The following LHFPL3 variants were observed in gnomAD, a reference collection of about 807,000 sequenced individuals.
LHFPL3 encodes LHFPL tetraspan subfamily member 3 protein.
In LHFPL3, 5 loss-of-function variants were observed where a neutral mutation model predicts 19.3. The ratio of observed to expected loss-of-function variants is 0.26; its 90% confidence interval spans 0.14 to 0.54. The LOEUF is 0.54. Among genes scored for constraint, LHFPL3 ranks in the 20% least tolerant of loss-of-function variants. The pLI, the probability that LHFPL3 is intolerant of heterozygous loss-of-function variation, is 0.94. For missense variants in LHFPL3, 249 were observed against 307.4 expected (o/e 0.81, Z 1.42); for synonymous variants, 133 against 126.2 (o/e 1.05, Z -0.36).
At chr7:104,740,648 G>C (rs765104941) in intron 2 of LHFPL3, among the ~76,000 whole-genome samples, 1 of 152,206 alleles carries the variant, frequency 6.6e-6, no homozygotes, top group Non-Finnish European at 1.5e-5. Context: ...GCAGGCAAGA[G>C]CTTATGCAGG....
intron 1 of LHFPL3, among the ~76,000 whole-genome samples, chr7:104,430,512 A>G (rs1284152690): frequency 4.3e-5 from 5 of 115,178 alleles, no homozygotes; most frequent in Non-Finnish European, 8.6e-5. Context: ...TCTGTCGCCC[A>G]GGCTGGAGTG....
chr7:104,810,170 A>C (rs1215674426), intron 2 of LHFPL3, among the ~76,000 whole-genome samples: 1 of 152,194 alleles, frequency 6.6e-6, no homozygotes, highest in African/African-American at 2.4e-5. Flanking sequence ...CTTAGTGCCT[A>C]GAAGGGAAAA....
chr7:104,417,586 G>A (rs57693274), intron 1 of LHFPL3, among the ~76,000 whole-genome samples: 26,719 of 151,926 alleles, frequency 0.18, 3,750 homozygotes, highest in African/African-American at 0.38. Flanking sequence ...TACTTTTTAG[G>A]TATTAGTCTT....
chr7:104,443,451 G>T (rs768093281), intron 1 of LHFPL3, among the ~76,000 whole-genome samples: 2 of 152,114 alleles, frequency 1.3e-5, no homozygotes, highest in Non-Finnish European at 2.9e-5. Context: ...AGACATCTTG[G>T]TATGACCCCC....
intron 2 of LHFPL3, among the ~76,000 whole-genome samples, chr7:104,798,753 AT>A (rs1028995298): frequency 2.0e-5 from 3 of 152,150 alleles, no homozygotes; most frequent in African/African-American, 4.8e-5. Flanking sequence ...AAAGCTTCAC[AT>A]TTTTTTAGTA....
chr7:104,867,508 C>A (rs1402797394), intron 2 of LHFPL3, among the ~76,000 whole-genome samples: 1 of 152,152 alleles, frequency 6.6e-6, no homozygotes, highest in African/African-American at 2.4e-5. Context: ...GACACATACA[C>A]CCTGCCAAGA....
At chr7:104,431,503 C>T (rs891247978) in intron 1 of LHFPL3, among the ~76,000 whole-genome samples, 5 of 152,144 alleles carry the variant, frequency 3.3e-5, no homozygotes, top group Admixed American at 3.3e-4. Context: ...GTACACTTTT[C>T]TCACTTATTT....
At chr7:104,356,661 A>G (rs1210204866) in intron 1 of LHFPL3, among the ~76,000 whole-genome samples, 1 of 152,204 alleles carries the variant, frequency 6.6e-6, no homozygotes. Flanking sequence ...CCAGACTCCT[A>G]GGACTAATTC....
chr7:104,609,437 A>G (rs1301337782), intron 1 of LHFPL3, among the ~76,000 whole-genome samples: 1 of 152,172 alleles, frequency 6.6e-6, no homozygotes, highest in Non-Finnish European at 1.5e-5. Flanking sequence ...ACACAAGTAG[A>G]TATTTTTTAC....
chr7:104,611,374 G>A (rs551877303), intron 1 of LHFPL3, among the ~76,000 whole-genome samples: 16 of 152,286 alleles, frequency 1.1e-4, no homozygotes, highest in African/African-American at 3.8e-4. Context: ...TTGCTAGAAG[G>A]GGACAGCAAT....
At chr7:104,626,763 G>C (rs1268600445) in intron 1 of LHFPL3, among the ~76,000 whole-genome samples, 1 of 152,180 alleles carries the variant, frequency 6.6e-6, no homozygotes, top group Non-Finnish European at 1.5e-5. Flanking sequence ...CAACATATTT[G>C]TGGAAGTTTT....
intron 1 of LHFPL3, among the ~76,000 whole-genome samples, chr7:104,543,164 G>C (rs1430140464): frequency 1.3e-5 from 2 of 152,132 alleles, no homozygotes; most frequent in African/African-American, 2.4e-5. Context: ...GGGGTGAGGG[G>C]TCCAAGGGGA....
intron 2 of LHFPL3, among the ~76,000 whole-genome samples, chr7:104,810,404 T>C (rs901843275): frequency 3.3e-5 from 5 of 151,956 alleles, no homozygotes; most frequent in Admixed American, 6.6e-5. Context: ...CAAGAGGTGA[T>C]GGTATATGTG....
intron 1 of LHFPL3, among the ~76,000 whole-genome samples, chr7:104,430,934 C>T (rs10255597): frequency 0.22 from 32,658 of 151,694 alleles, 3,976 homozygotes; most frequent in Admixed American, 0.33. Flanking sequence ...ATTTGCAAAA[C>T]AGATTTGAGG....
chr7:104,534,852 C>A (rs1390149014), intron 1 of LHFPL3, among the ~76,000 whole-genome samples: 1 of 151,814 alleles, frequency 6.6e-6, no homozygotes, highest in Non-Finnish European at 1.5e-5. Context: ...TATTCTATTT[C>A]TTTATATATT....
intron 2 of LHFPL3, among the ~76,000 whole-genome samples, chr7:104,775,211 G>C (rs1231590828): frequency 6.6e-6 from 1 of 152,156 alleles, no homozygotes; most frequent in Non-Finnish European, 1.5e-5. Flanking sequence ...GGCCAACATG[G>C]TGAAACCCCG....
chr7:104,535,822 G>A (rs182802488), intron 1 of LHFPL3, among the ~76,000 whole-genome samples: 2 of 152,350 alleles, frequency 1.3e-5, no homozygotes, highest in African/African-American at 4.8e-5. Flanking sequence ...GCTGTAGAAA[G>A]AGTAAGCTTG....
chr7:104,557,722 C>T (rs1407870029), intron 1 of LHFPL3, among the ~76,000 whole-genome samples: 4 of 151,224 alleles, frequency 2.6e-5, no homozygotes, highest in African/African-American at 9.8e-5. Flanking sequence ...TACATGTGCA[C>T]ATTGTGCAGG....
At chr7:104,753,560 T>C (rs979368988) in intron 2 of LHFPL3, among the ~76,000 whole-genome samples, 6 of 152,110 alleles carry the variant, frequency 3.9e-5, no homozygotes, top group Non-Finnish European at 5.9e-5. Flanking sequence ...GGCAAAAATA[T>C]ATATTAATTG....
Sources: allele counts gnomAD v4.1 joint callset (sites outside exome capture counted in the v4.1 genomes callset), GRCh38; gene constraint gnomAD v4.1.1; transcripts MANE v1.5; gene names NCBI Gene and HGNC (gene_info 2026-07-23, HGNC 2026-07-21).